CADM3: variants seen among roughly 807,000 people sequenced by gnomAD.
The protein encoded by CADM3 is cell adhesion molecule 3, also known as TSLC1-like 1.
In CADM3, 11 loss-of-function variants were observed where a neutral mutation model predicts 44.9. The observed-to-expected ratio is 0.25, with a 90% CI of 0.15 to 0.41. CADM3 has a LOEUF of 0.41. Ranked by LOEUF, CADM3 falls within the 10% of genes least tolerant of loss-of-function variation. The pLI, the probability that CADM3 is intolerant of heterozygous loss-of-function variation, is 1.00. For synonymous variants in CADM3, 207 were observed against 205.2 expected, an observed-to-expected ratio of 1.01 and a Z score of -0.08; for missense variants, 426 against 512.0, an observed-to-expected ratio of 0.83 and a Z score of 1.62.
intron 6 of CADM3, 196 bp downstream of exon 6, chr1:159,196,650 G>A (rs1649910019): frequency 6.3e-6 from 4 of 632,770 alleles, no homozygotes; most frequent in Middle Eastern, 4.3e-4. Flanking sequence ...CCCTAACTCA[G>A]TCCCTGAGTT....
intron 1 of CADM3, 37 bp from the exon 2 acceptor site, chr1:159,191,899 G>C (rs752066028): frequency 6.2e-7 from 1 of 1,612,652 alleles, no homozygotes; most frequent in South Asian, 1.1e-5. Flanking sequence ...GAGGGGCTAG[G>C]GGTCCTCAGG....
At chr1:159,183,933 C>T (rs762689921) in intron 1 of CADM3, among the ~76,000 whole-genome samples, 1 of 152,146 alleles carries the variant, frequency 6.6e-6, no homozygotes, top group South Asian at 2.1e-4. Context: ...CAAGAACAAC[C>T]GAAGGAAGTT....
chr1:159,179,251 C>T (rs1057042303), intron 1 of CADM3, among the ~76,000 whole-genome samples: 2 of 152,170 alleles, frequency 1.3e-5, no homozygotes, highest in African/African-American at 4.8e-5. Flanking sequence ...TCTTCTCTCT[C>T]TCTCTTTCTC....
At chr1:159,182,872 T>C (rs986167578) in intron 1 of CADM3, among the ~76,000 whole-genome samples, 5 of 152,198 alleles carry the variant, frequency 3.3e-5, no homozygotes, top group Non-Finnish European at 5.9e-5. Flanking sequence ...CTCTTAAACT[T>C]TGGATATTAA....
chr1:159,201,452 G>T lies in CADM3; in HGVS notation c.*530G>T, dbSNP rs189736706. 3 of 152,458 alleles carry T rather than the reference G, an allele frequency of 2.0e-5. No homozygotes were observed. The highest frequency in any genetic ancestry group is 4.8e-5 in the African/African-American group (2 of 41,552). The allele number at this position is 152,458 out of a possible 1,614,324, so 9.4% of individuals were successfully genotyped here. A position where few individuals can be genotyped will look rare whatever the true frequency, so the allele number is the denominator to read the frequency against. ...AAAGGTTGGGAGTGGCTTTTCCTCTGGTAGCCACACACCTGAGCACTACGG... is the reference window on the plus strand; with the variant it reads ...AAAGGTTGGGAGTGGCTTTTCCTCTTGTAGCCACACACCTGAGCACTACGG... On this transcript the variant is annotated 3_prime_UTR_variant, in exon 9 of 9. Coordinates refer to ENST00000368125, the MANE Select transcript of CADM3 (RefSeq NM_001127173.3).
intron 1 of CADM3, among the ~76,000 whole-genome samples, chr1:159,188,397 C>T (rs1451666594): frequency 6.6e-6 from 1 of 151,770 alleles, no homozygotes; most frequent in Non-Finnish European, 1.5e-5. Flanking sequence ...CCTTTTCTTC[C>T]TCAGGGACCC....
At chr1:159,194,161 A>G (rs1191909244) in intron 5 of CADM3, 121 bp downstream of exon 5, 7 of 1,084,506 alleles carry the variant, frequency 6.5e-6, no homozygotes, top group Non-Finnish European at 7.9e-6. Context: ...TAAAAAATGA[A>G]ACAAAGACTG....
At chr1:159,177,479 T>A (rs1284159123) in intron 1 of CADM3, among the ~76,000 whole-genome samples, 1 of 152,160 alleles carries the variant, frequency 6.6e-6, no homozygotes, top group Non-Finnish European at 1.5e-5. Flanking sequence ...CCCCTGACAG[T>A]GACACTCCAG....
intron 6 of CADM3, 88 bp from the exon 7 acceptor site, chr1:159,196,803 G>T: frequency 3.1e-6 from 4 of 1,308,216 alleles, no homozygotes; most frequent in Non-Finnish European, 3.2e-6. Context: ...AACAGTCCTT[G>T]ACATCCCTGC....
At position 159,171,689 on chromosome 1, in the gene CADM3, TC is replaced by T; in HGVS notation, c.-75del. ...GGCGCCCTTTCGGTCAACATCGTAGTCCACCCCCTCCCCATCCCCAGCCCCC... is the reference window on the plus strand; with the variant it reads ...GGCGCCCTTTCGGTCAACATCGTAGTCACCCCCTCCCCATCCCCAGCCCCC... On this transcript the variant is annotated 5_prime_UTR_variant, in exon 1 of 9. Coordinates refer to ENST00000368125, the MANE Select transcript of CADM3 (RefSeq NM_001127173.3). The T allele has an allele frequency of 9.2e-7, 1 of 1,092,266 alleles. No individual in the cohort carries two copies. The highest frequency in any genetic ancestry group is 1.2e-6 in the Non-Finnish European group (1 of 861,142). 67.7% of individuals were successfully genotyped at this position (1,092,266 alleles called of 1,614,324 possible).
intron 5 of CADM3, chr1:159,195,446 G>A (rs1571023018): frequency 6.6e-6 from 1 of 152,178 alleles, no homozygotes; most frequent in African/African-American, 2.4e-5. Context: ...CCCTGCCTGA[G>A]CCCCAAAGAC....
At chr1:159,188,664 G>A (rs977280244) in intron 1 of CADM3, among the ~76,000 whole-genome samples, 1 of 152,126 alleles carries the variant, frequency 6.6e-6, no homozygotes, top group African/African-American at 2.4e-5. Flanking sequence ...CGCTGCGGCG[G>A]GAGACCCTGA....
chr1:159,200,752 C>A, intron 8 of CADM3, 52 bp from the exon 9 acceptor site: 3 of 1,396,688 alleles, frequency 2.1e-6, no homozygotes, highest in Non-Finnish European at 2.0e-6. Context: ...GCAGGGTGGA[C>A]TCAGAGGTTG....
intron 7 of CADM3, among the ~76,000 whole-genome samples, chr1:159,198,739 C>A (rs531393412): frequency 6.6e-6 from 1 of 152,092 alleles, no homozygotes; most frequent in Non-Finnish European, 1.5e-5. Context: ...CCGTGCGAGT[C>A]CTCAGATATT....
chr1:159,191,306 C>T (rs75508034), intron 1 of CADM3, among the ~76,000 whole-genome samples: 43 of 152,254 alleles, frequency 2.8e-4, no homozygotes, highest in East Asian at 5.8e-4. Flanking sequence ...ACTAATACCA[C>T]GGGGAATATG....
chr1:159,191,085 T>G (rs1649640379), intron 1 of CADM3, among the ~76,000 whole-genome samples: 1 of 152,226 alleles, frequency 6.6e-6, no homozygotes, highest in South Asian at 2.1e-4. Flanking sequence ...CCGGTAGGCG[T>G]GACCAGAAGG....
rs1262642836 is a variant in CADM3 at position 159,191,997 on chromosome 1, C to T, written c.150C>T (p.Cys50=). 6.2e-7 allele frequency: 1 copy of T among 1,613,958 alleles called. No individual in the cohort carries two copies. The highest frequency in any genetic ancestry group is 2.2e-5 in the East Asian group (1 of 44,882). The change falls in exon 2 of 9, where the codon TGC becomes TGT. Residue 50 remains cysteine, a synonymous_variant. Coordinates refer to ENST00000368125, the MANE Select transcript of CADM3 (RefSeq NM_001127173.3). ...CTGGTGGCACCGTGGTGCTCAAGTG[C>T]CAAGTGAAAGATCACGAGGACTCAT... ...VVAGGTVVLK[C]QVKDHEDSSL...
intron 5 of CADM3, chr1:159,195,059 T>C (rs1024577678): frequency 1.3e-5 from 2 of 152,228 alleles, no homozygotes; most frequent in African/African-American, 4.8e-5. Context: ...CTAGGCCCAA[T>C]TATTTTCCTA....
At chr1:159,197,286 T>G (rs779109992) in intron 7 of CADM3, 97 of 472,468 alleles carry the variant, frequency 2.1e-4, no homozygotes, top group Non-Finnish European at 3.3e-4. Flanking sequence ...TCATCTGCCT[T>G]TCTTTGGTAG....
Sources: allele counts gnomAD v4.1 joint callset (sites outside exome capture counted in the v4.1 genomes callset), GRCh38; gene constraint gnomAD v4.1.1; transcripts MANE v1.5; gene names NCBI Gene and HGNC (gene_info 2026-07-23, HGNC 2026-07-21).